Variants in TRPM3 observed in about 807,000 individuals in gnomAD.
The protein encoded by TRPM3 is transient receptor potential cation channel subfamily M member 3, also known as long transient receptor potential channel 3.
Under a neutral mutation model 181.2 loss-of-function variants are expected in TRPM3, and 77 were observed. That is an observed-to-expected ratio of 0.42 (90% CI 0.35 to 0.51). TRPM3 has a LOEUF of 0.51. Among genes scored for constraint, TRPM3 ranks in the 20% least tolerant of loss-of-function variants. TRPM3 has a pLI of 0.01. For synonymous variants in TRPM3, 745 were observed against 796.4 expected (o/e 0.94, Z 1.09); for missense variants, 1,759 against 2,196.7 (o/e 0.80, Z 3.98).
At chr9:70,921,144 T>A (rs1484510375) in intron 1 of TRPM3, among the ~76,000 whole-genome samples, 2 of 152,226 alleles carry the variant, frequency 1.3e-5, no homozygotes, top group Non-Finnish European at 2.9e-5. Flanking sequence ...TTGTTCTTCA[T>A]CAAACAAATG....
At chr9:71,057,156 C>T (rs1261513191) in intron 1 of TRPM3, among the ~76,000 whole-genome samples, 1 of 152,042 alleles carries the variant, frequency 6.6e-6, no homozygotes, top group Non-Finnish European at 1.5e-5. Flanking sequence ...GCCTTTCTTA[C>T]TGCTTTTCCA....
At chr9:71,292,413 A>G (rs866420315) in intron 1 of TRPM3, among the ~76,000 whole-genome samples, 45 of 152,134 alleles carry the variant, frequency 3.0e-4, no homozygotes, top group African/African-American at 1.0e-3. Flanking sequence ...AAACTTGAGC[A>G]GTCTCTAAAA....
chr9:71,317,706 C>T (rs554280223), intron 1 of TRPM3, among the ~76,000 whole-genome samples: 19 of 151,430 alleles, frequency 1.3e-4, no homozygotes, highest in Admixed American at 2.6e-4. Flanking sequence ...CGCACACGCG[C>T]GAGAGAGAAG....
At chr9:70,811,069 G>C (rs1481967116) in intron 6 of TRPM3, 4 of 885,790 alleles carry the variant, frequency 4.5e-6, no homozygotes, top group Middle Eastern at 2.2e-4. Context: ...AACAGTCATA[G>C]GGAGTGATAC....
chr9:71,284,981 T>C lies in TRPM3; in HGVS notation c.183+161672A>G, dbSNP rs1026957581. The stretch of plus-strand genomic sequence containing the variant: ...TAAAAAGCTGCAATTCTCAAACATT[T>C]TAAAAAATACATTTTCCATAATTTC... On this transcript the variant is annotated intron_variant, in intron 1 of 24. Coordinates refer to the TRPM3 transcript ENST00000357533. 1.9e-4 allele frequency among the ~76,000 whole-genome samples: 29 copies of C among 152,150 alleles called. 1 individual carries two copies. The highest frequency in any genetic ancestry group is 7.2e-4 in the Admixed American group (11 of 15,278).
intron 1 of TRPM3, among the ~76,000 whole-genome samples, chr9:70,981,352 T>A (rs2097361902): frequency 6.6e-6 from 1 of 152,238 alleles, no homozygotes; most frequent in African/African-American, 2.4e-5. Flanking sequence ...ATATGATGTC[T>A]GGAAGCACAT....
At chr9:71,327,550 A>C (rs2089785579) in intron 1 of TRPM3, among the ~76,000 whole-genome samples, 1 of 152,232 alleles carries the variant, frequency 6.6e-6, no homozygotes, top group African/African-American at 2.4e-5. Flanking sequence ...GGAACAGGGA[A>C]AACAGTGCAA....
At chr9:71,264,013 G>C (rs1192730632) in intron 1 of TRPM3, among the ~76,000 whole-genome samples, 5 of 152,022 alleles carry the variant, frequency 3.3e-5, no homozygotes, top group Admixed American at 6.6e-5. Context: ...CGAATTCCTG[G>C]GCTCAAGTGA....
At chr9:71,403,064 G>T (rs2093371216) in intron 1 of TRPM3, among the ~76,000 whole-genome samples, 1 of 152,230 alleles carries the variant, frequency 6.6e-6, no homozygotes, top group South Asian at 2.1e-4. Flanking sequence ...GGTAATGAGT[G>T]GATAAAGGCT....
chr9:71,203,461 T>C (rs1587935275), intron 1 of TRPM3, among the ~76,000 whole-genome samples: 1 of 152,212 alleles, frequency 6.6e-6, no homozygotes, highest in South Asian at 2.1e-4. Flanking sequence ...GTTTTAAGCT[T>C]TCATTTGCTC....
At chr9:71,004,707 A>T (rs1210354335) in intron 1 of TRPM3, among the ~76,000 whole-genome samples, 38 of 152,242 alleles carry the variant, frequency 2.5e-4, no homozygotes, top group Non-Finnish European at 2.9e-5. Flanking sequence ...AGGGAATCAC[A>T]AGAAAATGTG....
At chr9:70,888,410 C>CT (rs1331355252) in intron 1 of TRPM3, among the ~76,000 whole-genome samples, 2 of 140,926 alleles carry the variant, frequency 1.4e-5, no homozygotes, top group African/African-American at 5.3e-5. Context: ...TGTTCCAATC[C>CT]TAGAAGTAAA....
intron 1 of TRPM3, among the ~76,000 whole-genome samples, chr9:71,329,855 T>C (rs949118602): frequency 5.9e-5 from 9 of 152,208 alleles, no homozygotes; most frequent in Non-Finnish European, 1.3e-4. Flanking sequence ...GCACCTGCTA[T>C]GTGAGAGCAT....
At chr9:70,540,726 A>C (rs541727418) in intron 25 of TRPM3, among the ~76,000 whole-genome samples, 156 of 151,990 alleles carry the variant, frequency 1.0e-3, no homozygotes, top group Non-Finnish European at 1.6e-3. Flanking sequence ...ATTTATTTTT[A>C]TTTTATTTTT....
At chr9:71,197,460 G>A (rs1357439708) in intron 1 of TRPM3, among the ~76,000 whole-genome samples, 1 of 151,852 alleles carries the variant, frequency 6.6e-6, no homozygotes, top group South Asian at 2.1e-4. Flanking sequence ...ACTTCCACAA[G>A]GGTTGAACTA....
chr9:70,847,288 T>C (rs1466642763), intron 3 of TRPM3, among the ~76,000 whole-genome samples: 1 of 152,198 alleles, frequency 6.6e-6, no homozygotes, highest in Non-Finnish European at 1.5e-5. Flanking sequence ...AATAATTATG[T>C]ATATAACCAT....
At position 71,293,330 on chromosome 9, in the gene TRPM3, G is replaced by A. The variant is rs928918384; in HGVS notation, c.183+153323C>T. 3.3e-5 allele frequency among the ~76,000 whole-genome samples: 5 copies of A among 151,916 alleles called. No individual in the cohort carries two copies. The East Asian group carries it at 9.6e-4, about 29-fold the overall frequency. On this transcript the variant is annotated intron_variant, in intron 1 of 24. Transcript: ENST00000357533. The stretch of plus-strand genomic sequence containing the variant: ...ATAAAAGATAACACATAAATGGCTT[G>A]TAAATAAAGAAATAAAACATCCATT...
intron 8 of TRPM3, among the ~76,000 whole-genome samples, chr9:70,685,996 T>C (rs1252519149): frequency 6.6e-6 from 1 of 151,302 alleles, no homozygotes; most frequent in Non-Finnish European, 1.5e-5. Context: ...TACCTAATCA[T>C]ATACATATAT....
chr9:71,208,468 C>T (rs575030233), intron 1 of TRPM3, among the ~76,000 whole-genome samples: 37 of 152,242 alleles, frequency 2.4e-4, no homozygotes, highest in African/African-American at 7.5e-4. Flanking sequence ...TGCAGTGGAA[C>T]ATTTACAAGC....
Sources: allele counts gnomAD v4.1 joint callset (sites outside exome capture counted in the v4.1 genomes callset), GRCh38; gene constraint gnomAD v4.1.1; transcripts MANE v1.5; gene names NCBI Gene and HGNC (gene_info 2026-07-23, HGNC 2026-07-21).